INTU: variants seen among roughly 807,000 people sequenced by gnomAD.
INTU encodes protein inturned.
In INTU, 68 loss-of-function variants were observed where a neutral mutation model predicts 100.5. That is an observed-to-expected ratio of 0.68 (90% confidence interval 0.56 to 0.83). The LOEUF is 0.83. INTU is among the 40% of genes least tolerant of loss of function. The pLI is 0.00. For synonymous variants in INTU, 357 were observed against 395.7 expected, an observed-to-expected ratio of 0.90 and a Z score of 1.16; for missense variants, 1,071 against 1,114.7, an observed-to-expected ratio of 0.96 and a Z score of 0.56.
rs1222830734 is a variant in INTU at position 127,720,260 on chromosome 4, G to A, written c.*3824G>A. ...TTACCCAGGAGTCATTCAGGAGCAG[G>A]TTGTTCAATTTCCACGTAGTTTTGT... On this transcript the variant is annotated 3_prime_UTR_variant, in exon 16 of 16. Transcript: ENST00000335251. The A allele has an allele frequency of 6.6e-6, 1 of 152,158 alleles. No homozygotes were observed. The highest frequency in any genetic ancestry group is 2.4e-5 in the African/African-American group (1 of 41,426). 9.4% of individuals were successfully genotyped at this position (152,158 alleles called of 1,614,324 possible).
intron 13 of INTU, 47 bp downstream of exon 13, chr4:127,708,715 C>A: frequency 1.0e-6 from 1 of 972,888 alleles, no homozygotes; most frequent in Non-Finnish European, 1.6e-6. Context: ...GGAAGTTTTA[C>A]AGTGAGAAAG....
intron 2 of INTU, among the ~76,000 whole-genome samples, chr4:127,649,501 T>G (rs1383575018): frequency 6.6e-6 from 1 of 151,656 alleles, no homozygotes; most frequent in Non-Finnish European, 1.5e-5. Context: ...GGACCAGAAG[T>G]GCTTCCAATT....
intron 8 of INTU, among the ~76,000 whole-genome samples, chr4:127,696,623 A>G (rs935403231): frequency 1.3e-5 from 2 of 151,658 alleles, no homozygotes; most frequent in African/African-American, 4.8e-5. Flanking sequence ...TTTTTCAAGG[A>G]AACAGCTTTT....
chr4:127,667,112 T>A (rs1266886247), intron 4 of INTU, among the ~76,000 whole-genome samples: 2 of 152,172 alleles, frequency 1.3e-5, no homozygotes, highest in African/African-American at 2.4e-5. Flanking sequence ...AAAACAAATT[T>A]CCGGGATGAT....
intron 6 of INTU, among the ~76,000 whole-genome samples, chr4:127,679,060 A>G (rs2126219929): frequency 1.3e-5 from 2 of 152,252 alleles, no homozygotes; most frequent in East Asian, 3.9e-4. Context: ...TAACTATCCT[A>G]AATATATATG....
intron 10 of INTU, 137 bp from the exon 11 acceptor site, chr4:127,705,454 C>T (rs1730835950): frequency 1.5e-6 from 1 of 677,922 alleles, no homozygotes; most frequent in African/African-American, 1.8e-5. Context: ...TTTACTTTTA[C>T]TATATCTTCA....
intron 6 of INTU, chr4:127,675,969 A>G: frequency 3.9e-6 from 1 of 258,150 alleles, no homozygotes; most frequent in Non-Finnish European, 8.5e-6. Context: ...TCTTGAGGGG[A>G]AGAGTATCAA....
intron 1 of INTU, among the ~76,000 whole-genome samples, chr4:127,640,056 A>G (rs1727241800): frequency 1.3e-5 from 2 of 152,160 alleles, no homozygotes; most frequent in South Asian, 4.1e-4. Context: ...AACTGAGATC[A>G]TTAGAGACAC....
rs557175544 is a variant in INTU, at chr4:127,702,328, C to T, written c.1504-1900C>T. On this transcript the variant is annotated intron_variant, in intron 9 of 15. Coordinates refer to ENST00000335251, the MANE Select transcript of INTU (RefSeq NM_015693.4). ...AACATATACCTACCATGTAATTCAA[C>T]CAGTCTGTTCCTATCTTTTTAAACC... is the stretch of plus-strand genomic sequence containing the variant. 1.2e-4 allele frequency among the ~76,000 whole-genome samples: 18 copies of T among 152,252 alleles called. No individual in the cohort carries two copies. The South Asian group carries it at 3.7e-3, about 32-fold the overall frequency.
Position 127,660,328 on chromosome 4 carries a change from A to C in INTU, c.769-3053A>C, listed in dbSNP as rs138229607. On this transcript the variant is annotated intron_variant, in intron 3 of 15. Coordinates refer to ENST00000335251, the MANE Select transcript of INTU (RefSeq NM_015693.4). ...AAGAGAAGAGGATGGAGGAGAGATAATCTGCTGAGCCAGTCAGACTCGATT... is the reference window on the plus strand; with the variant it reads ...AAGAGAAGAGGATGGAGGAGAGATACTCTGCTGAGCCAGTCAGACTCGATT... Among the ~76,000 whole-genome samples the C allele has an allele frequency of 1.4e-4, 21 of 152,300 alleles. No individual in the cohort carries two copies. In the East Asian group the frequency reaches 3.7e-3, roughly 27 times the overall value.
chr4:127,681,529 C>T (rs915616046), intron 6 of INTU, among the ~76,000 whole-genome samples: 62 of 152,234 alleles, frequency 4.1e-4, no homozygotes, highest in South Asian at 1.5e-3. Context: ...ATAAATGGTG[C>T]TGGGAAAACT....
intron 1 of INTU, among the ~76,000 whole-genome samples, chr4:127,642,700 G>A (rs1015104605): frequency 9.2e-5 from 14 of 151,924 alleles, no homozygotes; most frequent in Non-Finnish European, 1.9e-4. Context: ...CATTGAACAG[G>A]GTAGAGTTTA....
intron 7 of INTU, chr4:127,685,471 C>T (rs747511857): frequency 2.2e-6 from 1 of 455,714 alleles, no homozygotes; most frequent in South Asian, 1.6e-5. Context: ...GTGATTGTGT[C>T]ATCTGGGAAA....
intron 3 of INTU, among the ~76,000 whole-genome samples, chr4:127,658,208 G>GCA (rs149045187): frequency 1.3e-5 from 2 of 151,574 alleles, no homozygotes; most frequent in African/African-American, 2.4e-5. Context: ...GTGTGCGCAT[G>GCA]CACACACACA....
At chr4:127,685,822 A>G (rs1366019315) in intron 7 of INTU, 1 of 159,264 alleles carries the variant, frequency 6.3e-6, no homozygotes, top group Non-Finnish European at 1.4e-5. Context: ...TACAAATTCC[A>G]TTAGAGTAGA....
At chr4:127,635,847 T>A (rs1032969730) in intron 1 of INTU, among the ~76,000 whole-genome samples, 1 of 152,246 alleles carries the variant, frequency 6.6e-6, no homozygotes, top group African/African-American at 2.4e-5. Context: ...TTTGTCACTC[T>A]ATAGGAGTTT....
At chr4:127,679,218 C>A (rs1410401343) in intron 6 of INTU, among the ~76,000 whole-genome samples, 1 of 152,030 alleles carries the variant, frequency 6.6e-6, no homozygotes, top group Admixed American at 6.6e-5. Flanking sequence ...AACAAGGATA[C>A]CCAGGAATTG....
rs1452907695 is a variant in INTU at position 127,723,296 on chromosome 4, A to T, written c.*6860A>T. The T allele has an allele frequency of 2.0e-5, 3 of 149,798 alleles. No individual in the cohort carries two copies. Among genetic ancestry groups the T allele is most frequent in the Non-Finnish European group, 4.4e-5 (3 of 67,746 alleles). The allele number at this position is 149,798 out of a possible 1,614,324, so 9.3% of individuals were successfully genotyped here. ...GAGAACTTCAGTATCTCAACTGAAG[A>T]TGCAGAGTTGACTCACAGTTTTCTT... On this transcript the variant is annotated 3_prime_UTR_variant, in exon 16 of 16. Transcript: ENST00000335251.
intron 12 of INTU, 75 bp downstream of exon 12, chr4:127,707,044 A>C: frequency 6.8e-7 from 1 of 1,472,428 alleles, no homozygotes; most frequent in Non-Finnish European, 9.1e-7. Context: ...ATTGCAAGAC[A>C]TTTTTTTAGT....
Sources: allele counts gnomAD v4.1 joint callset (sites outside exome capture counted in the v4.1 genomes callset), GRCh38; gene constraint gnomAD v4.1.1; transcripts MANE v1.5; gene names NCBI Gene and HGNC (gene_info 2026-07-23, HGNC 2026-07-21).